The following CHRNA4 variants were observed in gnomAD, a reference collection of about 807,000 sequenced individuals.
The protein encoded by CHRNA4 is cholinergic receptor nicotinic alpha 4 subunit, also known as neuronal acetylcholine receptor subunit alpha-4.
A neutral mutation model predicts 48.9 loss-of-function variants in CHRNA4; 28 were observed. That is an observed-to-expected ratio of 0.57 (90% CI 0.42 to 0.79). The LOEUF is 0.79. Ranked by LOEUF, CHRNA4 falls within the 30% of genes least tolerant of loss-of-function variation. The pLI is 0.00. For synonymous variants in CHRNA4, 425 were observed against 402.3 expected, an observed-to-expected ratio of 1.06 and a Z score of -0.68; for missense variants, 859 against 898.4, an observed-to-expected ratio of 0.96 and a Z score of 0.56.
chr20:63,350,091 G>A lies in CHRNA4; in HGVS notation c.1320C>T (p.Ala440=). The change falls in exon 5 of 6, where the codon GCC becomes GCT. Residue 440 remains alanine, a synonymous_variant. Transcript: ENST00000370263. The stretch of plus-strand genomic sequence containing the variant: ...AGGGTCCAGGCGAGGGGTGGGGGCT[G>A]GCTTTCTCAGCTTCCAGGGGCTGCT... The part of the protein sequence containing the change: ...PPQQPLEAEK[A]SPHPSPGPCR... 1.3e-6 allele frequency: 2 copies of A among 1,528,380 alleles called. No homozygotes were observed. The highest frequency in any genetic ancestry group is 1.3e-5 in the South Asian group (1 of 78,176). 94.7% of individuals were successfully genotyped at this position (1,528,380 alleles called of 1,614,324 possible). A position where few individuals can be genotyped will look rare whatever the true frequency, so the allele number is the denominator to read the frequency against.
In CHRNA4 at chr20:63,350,884, G is replaced by A; in HGVS notation, c.527C>T (p.Thr176Ile). 1.2e-6 allele frequency: 2 copies of A among 1,614,032 alleles called. No homozygotes were observed. The highest frequency in any genetic ancestry group is 1.7e-5 in the Admixed American group (1 of 60,012). Residue 176 changes from threonine to isoleucine, a missense_variant, in exon 5 of 6, where the codon ACC becomes ATC. Transcript: ENST00000370263. ...TFFPFDQQNC[T>I]MKFGSWTYDK... is the part of the protein sequence containing the mutation. The stretch of plus-strand genomic sequence containing the variant: ...GTAGGTCCAGGAGCCGAATTTCATG[G>A]TGCAGTTCTGCTGGTCGAAGGGGAA...
rs1021108901 is a variant in CHRNA4, at chr20:63,359,453, G to C, written c.228+95C>G. On this transcript the variant is annotated intron_variant, in intron 2 of 5. Coordinates refer to ENST00000370263, the MANE Select transcript of CHRNA4 (RefSeq NM_000744.7). ...GGCCGGACACTCACAGCCACGGGGA[G>C]TGTTGATGGCTGTGTCCCCTCTGCC... 27 of 1,495,008 alleles carry C rather than the reference G, an allele frequency of 1.8e-5. No individual in the cohort carries two copies. The African/African-American group carries it at 3.2e-4, about 18-fold the overall frequency. The allele number at this position is 1,495,008 out of a possible 1,614,324, so 92.6% of individuals were successfully genotyped here.
At chr20:63,357,638 A>C (rs1272025321) in intron 2 of CHRNA4, among the ~76,000 whole-genome samples, 1 of 133,000 alleles carries the variant, frequency 7.5e-6, no homozygotes, top group Non-Finnish European at 1.7e-5. Context: ...AAGGGGGCAC[A>C]GGTGAATCCC....
chr20:63,350,362 T>A lies in CHRNA4; in HGVS notation c.1049A>T (p.Asp350Val). The part of the protein sequence containing the change: ...MPTWVRRVFL[D>V]IVPRLLLMKR... ...CATGAGGAGCAGGCGTGGCACGATG[T>A]CCAGGAAGACCCTGCGTACCCAGGT... The change falls in exon 5 of 6, where the codon GAC (aspartate) becomes GTC (valine). Residue 350 changes from aspartate to valine, a missense_variant. Asp to Val is a radical substitution (Grantham distance 152). Around this residue, in one of 3 missense-constraint regions of CHRNA4, gnomAD observed 478 missense variants for 455.4 expected, o/e 1.05. Coordinates refer to ENST00000370263, the MANE Select transcript of CHRNA4 (RefSeq NM_000744.7). 1.2e-6 allele frequency: 2 copies of A among 1,613,652 alleles called. No individual in the cohort carries two copies. The highest frequency in any genetic ancestry group is 8.5e-7 in the Non-Finnish European group (1 of 1,180,024).
rs200741008 is a variant in CHRNA4, at chr20:63,350,649, G to A, written c.762C>T (p.Cys254=). 2 of 1,614,066 alleles carry A rather than the reference G, an allele frequency of 1.2e-6. No individual in the cohort carries two copies. The highest frequency in any genetic ancestry group is 1.1e-5 in the South Asian group (1 of 91,080). The change falls in exon 5 of 6, where the codon TGC becomes TGT. Residue 254 remains cysteine, a synonymous_variant. Coordinates refer to ENST00000370263, the MANE Select transcript of CHRNA4 (RefSeq NM_000744.7). ...LFYTINLIIP[C]LLISCLTVLV... is the part of the protein sequence containing the mutation. ...GCACGGTGAGGCAGGAGATGAGCAGGCAGGGGATGATGAGGTTGATGGTGT... is the reference window on the plus strand; with the variant it reads ...GCACGGTGAGGCAGGAGATGAGCAGACAGGGGATGATGAGGTTGATGGTGT...
In CHRNA4 at chr20:63,350,772, A is replaced by G. The variant is rs1044393; in HGVS notation, c.639T>C (p.Asp213=). Residue 213 remains aspartate, a synonymous_variant, in exon 5 of 6, where the codon GAT becomes GAC. Coordinates refer to ENST00000370263, the MANE Select transcript of CHRNA4 (RefSeq NM_000744.7). ...FWESGEWVIV[D]AVGTYNTRKY... The stretch of plus-strand genomic sequence containing the variant: ...TCCTGGTGTTGTAGGTGCCCACGGC[A>G]TCCACGATGACCCACTCGCCACTCT... The G allele has an allele frequency of 0.86, 1,390,272 of 1,613,240 alleles. 604,517 individuals are homozygous for G. Among genetic ancestry groups the G allele is most frequent in the Admixed American group, 0.9 (53,720 of 59,960 alleles).
At position 63,347,619 on chromosome 20, in the gene CHRNA4, C is replaced by T. The variant is rs868848235; in HGVS notation, c.1759-756G>A. On this transcript the variant is annotated intron_variant, in intron 5 of 5. Coordinates refer to ENST00000370263, the MANE Select transcript of CHRNA4 (RefSeq NM_000744.7). ...GTCGGGAAGCCACTCTCGAGACAGC[C>T]GCTGTGTGCAGCCCAAGGCACTCAT... Among the ~76,000 whole-genome samples, 94 of 152,336 alleles carry T rather than the reference C, an allele frequency of 6.2e-4. 1 individual carries two copies. The Middle Eastern group carries it at 0.031, about 50-fold the overall frequency.
At chr20:63,347,618 C>T (rs2068516893) in intron 5 of CHRNA4, among the ~76,000 whole-genome samples, 3 of 152,226 alleles carry the variant, frequency 2.0e-5, no homozygotes, top group Admixed American at 2.0e-4. Flanking sequence ...CTCGAGACAG[C>T]CGCTGTGTGC....
At chr20:63,347,667 C>T (rs1161572503) in intron 5 of CHRNA4, among the ~76,000 whole-genome samples, 1 of 152,238 alleles carries the variant, frequency 6.6e-6, no homozygotes, top group Admixed American at 6.5e-5. Flanking sequence ...TGCCCTCGCC[C>T]CGGCTCCCCC....
rs1168654558 is a variant in CHRNA4 at position 63,356,429 on chromosome 20, A to G, written c.229-14T>C. 1 of 1,598,716 alleles carries G rather than the reference A, an allele frequency of 6.3e-7. No homozygotes were observed. The highest frequency in any genetic ancestry group is 2.3e-5 in the East Asian group (1 of 44,354). On this transcript the variant is annotated splice_polypyrimidine_tract_variant and intron_variant, in intron 2 of 5. Transcript: ENST00000370263. The stretch of plus-strand genomic sequence containing the variant: ...GTTCTTCTCATCCTAGGGCACCGAG[A>G]GAGGAAGGGGGCCAGTGACCCCTTG...
In CHRNA4 at chr20:63,343,604, G is replaced by C. The variant is rs1398738603; in HGVS notation, c.*3134C>G. On this transcript the variant is annotated 3_prime_UTR_variant, in exon 6 of 6. Coordinates refer to ENST00000370263, the MANE Select transcript of CHRNA4 (RefSeq NM_000744.7). ...CCATTGAGAGATTACCACGCTTCCT[G>C]AGAGGAGGGCCACGTCGCCCCAGGC... 1 of 453,926 alleles carries C rather than the reference G, an allele frequency of 2.2e-6. No homozygotes were observed. Among genetic ancestry groups the C allele is most frequent in the Non-Finnish European group, 4.4e-6 (1 of 226,740 alleles). The allele number at this position is 453,926 out of a possible 1,614,324, so 28.1% of individuals were successfully genotyped here.
chr20:63,355,253 C>T (rs556289018), intron 4 of CHRNA4: 8 of 347,776 alleles, frequency 2.3e-5, no homozygotes, highest in African/African-American at 1.7e-4. Flanking sequence ...AGGACAGCAG[C>T]CTCCGGAGGC....
Position 63,349,776 on chromosome 20 carries a change from C to A in CHRNA4, c.1635G>T (p.Thr545=), listed in dbSNP as rs121912283. 1 of 1,610,566 alleles carries A rather than the reference C, an allele frequency of 6.2e-7. No homozygotes were observed. The highest frequency in any genetic ancestry group is 8.5e-7 in the Non-Finnish European group (1 of 1,178,318). ...KEPSSVSPSA[T]VKTRSTKAPP... ...GCGCTTTGGTGCTGCGGGTCTTGACCGTGGCGCTCGGGGACACCGAAGAGG... is the reference window on the plus strand; with the variant it reads ...GCGCTTTGGTGCTGCGGGTCTTGACAGTGGCGCTCGGGGACACCGAAGAGG... Residue 545 remains threonine, a synonymous_variant, in exon 5 of 6, where the codon ACG becomes ACT. Transcript: ENST00000370263.
chr20:63,360,901 C>T (rs923046767), intron 1 of CHRNA4, 189 bp downstream of exon 1: 19 of 457,268 alleles, frequency 4.2e-5, no homozygotes, highest in African/African-American at 3.3e-4. Context: ...GGTCAACTCC[C>T]TCCTCGCCTG....
At chr20:63,347,428 CA>C (rs1325059261) in intron 5 of CHRNA4, among the ~76,000 whole-genome samples, 1 of 152,244 alleles carries the variant, frequency 6.6e-6, no homozygotes, top group African/African-American at 2.4e-5. Context: ...CTGAGGCCTT[CA>C]GGGGCGGCTG....
Position 63,343,762 on chromosome 20 carries a change from C to T in CHRNA4, c.*2976G>A, listed in dbSNP as rs1313845101. 1 of 453,262 alleles carries T rather than the reference C, an allele frequency of 2.2e-6. No individual in the cohort carries two copies. Among genetic ancestry groups the T allele is most frequent in the Admixed American group, 2.3e-5 (1 of 42,570 alleles). The allele number at this position is 453,262 out of a possible 1,614,324, so 28.1% of individuals were successfully genotyped here. On this transcript the variant is annotated 3_prime_UTR_variant, in exon 6 of 6. Transcript: ENST00000370263. ...GCAAGCAGCCGCAGAGGGGCCGGCG[C>T]CCCGGCAGGCTTCGAGCTGCAGCAG...
Position 63,345,376 on chromosome 20 carries a change from G to A in CHRNA4, c.*1362C>T, listed in dbSNP as rs200626758. The A allele has an allele frequency of 1.2e-4, 53 of 425,210 alleles. No individual in the cohort carries two copies. Among genetic ancestry groups the A allele is most frequent in the African/African-American group, 5.7e-4 (28 of 49,484 alleles). 26.3% of individuals were successfully genotyped at this position (425,210 alleles called of 1,614,324 possible). A position where few individuals can be genotyped will look rare whatever the true frequency, so the allele number is the denominator to read the frequency against. ...GCAGGGGACACGCCATCCTGGCCCCGCCCCTCTGGGCCCTTGGAATCATGG... is the reference window on the plus strand; with the variant it reads ...GCAGGGGACACGCCATCCTGGCCCCACCCCTCTGGGCCCTTGGAATCATGG... On this transcript the variant is annotated 3_prime_UTR_variant, in exon 6 of 6. Coordinates refer to ENST00000370263, the MANE Select transcript of CHRNA4 (RefSeq NM_000744.7). The surrounding 1 kb of genome is among the most constrained non-coding windows in gnomAD (Gnocchi z 5.4).
At position 63,346,761 on chromosome 20, in the gene CHRNA4, G is replaced by A. The variant is rs199852690; in HGVS notation, c.1861C>T (p.Pro621Ser). ...TCCTAGATCATGCCAGCCAGCCAGG[G>A]CGGCAGGAAGAGGCCCACCGTCCCC... is the stretch of plus-strand genomic sequence containing the variant. ...LLGTVGLFLP[P>S]WLAGMI is the part of the protein sequence containing the mutation. Residue 621 changes from proline to serine, a missense_variant, in exon 6 of 6, where the codon CCC (proline) becomes TCC (serine). Coordinates refer to ENST00000370263, the MANE Select transcript of CHRNA4 (RefSeq NM_000744.7). 1 of 1,611,284 alleles carries A rather than the reference G, an allele frequency of 6.2e-7. No homozygotes were observed.
chr20:63,344,741 G>T lies in CHRNA4; in HGVS notation c.*1997C>A. ...ATCTGCGTCTCTATCCCTCCTCTGAGACCAGTGTCTCCTGCCAGCTTCCAT... is the reference window on the plus strand; with the variant it reads ...ATCTGCGTCTCTATCCCTCCTCTGATACCAGTGTCTCCTGCCAGCTTCCAT... On this transcript the variant is annotated 3_prime_UTR_variant, in exon 6 of 6. Coordinates refer to ENST00000370263, the MANE Select transcript of CHRNA4 (RefSeq NM_000744.7). The surrounding 1 kb of genome is among the most constrained non-coding windows in gnomAD (Gnocchi z 4.5). 1 of 454,092 alleles carries T rather than the reference G, an allele frequency of 2.2e-6. No homozygotes were observed. Among genetic ancestry groups the T allele is most frequent in the Non-Finnish European group, 4.4e-6 (1 of 226,802 alleles). The allele number at this position is 454,092 out of a possible 1,614,324, so 28.1% of individuals were successfully genotyped here. A position where few individuals can be genotyped will look rare whatever the true frequency, so the allele number is the denominator to read the frequency against.
Sources: allele counts gnomAD v4.1 joint callset (sites outside exome capture counted in the v4.1 genomes callset), GRCh38; gene constraint gnomAD v4.1.1; regional missense constraint gnomAD v4.1.1; non-coding constraint Gnocchi (gnomAD v3.1); transcripts MANE v1.5; gene names NCBI Gene and HGNC (gene_info 2026-07-23, HGNC 2026-07-21).